The following NEDD4 variants were observed in gnomAD, a reference collection of about 807,000 sequenced individuals.
NEDD4 encodes E3 ubiquitin-protein ligase NEDD4.
A neutral mutation model predicts 144.9 loss-of-function variants in NEDD4; 99 were observed. The ratio of observed to expected loss-of-function variants is 0.68; its 90% CI spans 0.58 to 0.81. NEDD4 has a LOEUF of 0.81. NEDD4 is among the 30% of genes least tolerant of loss of function. The pLI, the probability that NEDD4 is intolerant of heterozygous loss-of-function variation, is 0.00. For missense variants in NEDD4, 985 were observed against 1,065.9 expected (o/e 0.92, Z 1.06); for synonymous variants, 318 against 350.6 (o/e 0.91, Z 1.04).
In NEDD4 at chr15:55,827,118, C is replaced by T. The variant is rs1243060197; in HGVS notation, c.*2779G>A. 6.6e-6 allele frequency: 1 copy of T among 152,122 alleles called. No individual in the cohort carries two copies. The highest frequency in any genetic ancestry group is 6.5e-5 in the Admixed American group (1 of 15,274). The allele number at this position is 152,122 out of a possible 1,614,324, so 9.4% of individuals were successfully genotyped here. A position where few individuals can be genotyped will look rare whatever the true frequency, so the allele number is the denominator to read the frequency against. On this transcript the variant is annotated 3_prime_UTR_variant, in exon 29 of 29. Transcript: ENST00000435532. Reference sequence around the variant, plus strand: ...TTAACTTGATACTTATATGGAATAACTTCAGCATTATAAATAAAAACCCAA... The same window carrying T: ...TTAACTTGATACTTATATGGAATAATTTCAGCATTATAAATAAAAACCCAA...
intron 4 of NEDD4, among the ~76,000 whole-genome samples, chr15:55,938,496 T>C (rs1046957170): frequency 1.3e-5 from 2 of 152,178 alleles, no homozygotes; most frequent in Admixed American, 6.5e-5. Context: ...GACCCGACAC[T>C]GTAAAACCCA....
rs148017681 is a variant in NEDD4, at chr15:55,980,793, GGTGTGT to G, written c.45+12712_45+12717del. 3.4e-5 allele frequency among the ~76,000 whole-genome samples: 5 copies of G among 149,166 alleles called. No homozygotes were observed. The East Asian group carries it at 7.9e-4, about 23-fold the overall frequency. ...CATTCATTTTTAGTGTGTGTGTAGG[GGTGTGT>G]GTGTGTGTGTGTGTGTTACATTTTT... is the stretch of plus-strand genomic sequence containing the variant. On this transcript the variant is annotated intron_variant, in intron 1 of 28. Transcript: ENST00000435532.
chr15:55,964,650 GGTGT>G (rs60902586), intron 2 of NEDD4, among the ~76,000 whole-genome samples: 62,867 of 144,056 alleles, frequency 0.44, 13,658 homozygotes, highest in South Asian at 0.51. Context: ...TTTTGCTGCT[GGTGT>G]GTGTGTGTGT....
At chr15:55,860,889 T>C in intron 9 of NEDD4, 111 bp from the exon 10 acceptor site, 1 of 928,698 alleles carries the variant, frequency 1.1e-6, no homozygotes, top group Non-Finnish European at 1.7e-6. Flanking sequence ...TAAAAAAATT[T>C]ATTGTCTTTG....
chr15:55,858,143 G>C (rs1395082264), intron 11 of NEDD4, among the ~76,000 whole-genome samples: 1 of 151,884 alleles, frequency 6.6e-6, no homozygotes, highest in African/African-American at 2.4e-5. Context: ...GCATCTCTTA[G>C]GGATTGTTCC....
At chr15:55,832,051 A>G (rs1441922139) in intron 27 of NEDD4, among the ~76,000 whole-genome samples, 1 of 152,178 alleles carries the variant, frequency 6.6e-6, no homozygotes, top group Non-Finnish European at 1.5e-5. Flanking sequence ...GATAGAATAC[A>G]TAGAATCTTA....
rs1320390047 is a variant in NEDD4, at chr15:55,993,443, A to T, written c.45+68T>A. The T allele has an allele frequency of 2.8e-5, 43 of 1,557,124 alleles. 1 individual carries two copies. The African/African-American group carries it at 5.4e-4, about 19-fold the overall frequency. On this transcript the variant is annotated intron_variant, in intron 1 of 28. Coordinates refer to ENST00000435532, the MANE Select transcript of NEDD4 (RefSeq NM_006154.4). ...GCCTCCGGTCGTGGCCGCCGCCGCT[A>T]CCTCCCCGGGTCCGGCTGCTGAATA...
chr15:55,984,422 A>C (rs180718124), intron 1 of NEDD4, among the ~76,000 whole-genome samples: 2 of 152,374 alleles, frequency 1.3e-5, no homozygotes, highest in African/African-American at 4.8e-5. Context: ...TGTGATGATT[A>C]CAGCTAAAGT....
At chr15:55,993,418 G>T in intron 1 of NEDD4, 93 bp downstream of exon 1, 1 of 1,471,578 alleles carries the variant, frequency 6.8e-7, no homozygotes, top group Non-Finnish European at 9.3e-7. Context: ...TGACAGCAGA[G>T]CCTCCGGTCG....
At chr15:55,893,678 T>C (rs1266420132) in intron 5 of NEDD4, among the ~76,000 whole-genome samples, 3 of 151,268 alleles carry the variant, frequency 2.0e-5, no homozygotes, top group Non-Finnish European at 2.9e-5. Context: ...CTTATATGAA[T>C]AGACCTTTTA....
At chr15:55,939,721 C>G (rs1283276690) in intron 4 of NEDD4, among the ~76,000 whole-genome samples, 1 of 152,098 alleles carries the variant, frequency 6.6e-6, no homozygotes, top group Admixed American at 6.6e-5. Flanking sequence ...TGTGGAGAAA[C>G]TGGAATCCCT....
At chr15:55,951,439 A>C in intron 3 of NEDD4, 25 bp from the exon 4 acceptor site, 1 of 1,231,522 alleles carries the variant, frequency 8.1e-7, no homozygotes, top group East Asian at 2.6e-5. Flanking sequence ...ACATAGTATA[A>C]CTAAATAAGG....
chr15:55,836,675 G>C (rs184181095), intron 24 of NEDD4, among the ~76,000 whole-genome samples: 2 of 151,990 alleles, frequency 1.3e-5, no homozygotes, highest in Non-Finnish European at 2.9e-5. Context: ...GCACGTGCAC[G>C]CCACCACGTC....
chr15:55,879,604 A>G (rs573664840), intron 5 of NEDD4, among the ~76,000 whole-genome samples: 1 of 152,190 alleles, frequency 6.6e-6, no homozygotes, highest in Non-Finnish European at 1.5e-5. Flanking sequence ...GAAAGACGGG[A>G]GTCTGATGAA....
chr15:55,860,418 C>G lies in NEDD4; in HGVS notation c.949G>C (p.Ala317Pro). 1 of 1,613,920 alleles carries G rather than the reference C, an allele frequency of 6.2e-7. No individual in the cohort carries two copies. The highest frequency in any genetic ancestry group is 8.5e-7 in the Non-Finnish European group (1 of 1,179,858). Residue 317 changes from alanine to proline, a missense_variant, in exon 11 of 29, where the codon GCA becomes CCA. Coordinates refer to ENST00000435532, the MANE Select transcript of NEDD4 (RefSeq NM_006154.4). Reference sequence around the variant, plus strand: ...TAAGAGCATCTTACTGAGCTCGATGCTGGCTGGCTCACGGCTGAATTTCCA... The same window carrying G: ...TAAGAGCATCTTACTGAGCTCGATGGTGGCTGGCTCACGGCTGAATTTCCA... ...IFGNSAVSQPASSSNHSSRRG... is the reference protein window; with the variant it reads ...IFGNSAVSQPPSSSNHSSRRG...
At chr15:55,919,964 G>T (rs553388876) in intron 5 of NEDD4, among the ~76,000 whole-genome samples, 3 of 152,254 alleles carry the variant, frequency 2.0e-5, no homozygotes, top group Non-Finnish European at 1.5e-5. Context: ...ATTTAGACAT[G>T]ATTAGCATTT....
chr15:55,855,362 C>T (rs1014580291), intron 12 of NEDD4, among the ~76,000 whole-genome samples: 19 of 151,892 alleles, frequency 1.3e-4, no homozygotes, highest in East Asian at 3.9e-4. Flanking sequence ...GACTCAGAAG[C>T]GGGAGAGAAT....
chr15:55,873,001 T>C (rs2034858353), intron 6 of NEDD4, among the ~76,000 whole-genome samples: 1 of 152,188 alleles, frequency 6.6e-6, no homozygotes, highest in Non-Finnish European at 1.5e-5. Flanking sequence ...AGAAGTATTT[T>C]TTCTCTTTCT....
chr15:55,921,869 G>A (rs928628822), intron 5 of NEDD4, among the ~76,000 whole-genome samples: 3 of 152,138 alleles, frequency 2.0e-5, no homozygotes, highest in African/African-American at 4.8e-5. Context: ...AAAGAGTCAC[G>A]CAAATACTAA....
Sources: gnomAD v4.1 joint callset for allele counts (sites outside exome capture counted in the v4.1 genomes callset) on GRCh38, gnomAD v4.1.1 for gene constraint, MANE v1.5 for transcripts, NCBI Gene and HGNC (gene_info 2026-07-23, HGNC 2026-07-21) for gene names.